SLC14A2: variants seen among roughly 807,000 people sequenced by gnomAD.
The protein encoded by SLC14A2 is urea transporter 2.
Under a neutral mutation model 104.6 loss-of-function variants are expected in SLC14A2, and 91 were observed. That is an observed-to-expected ratio of 0.87 (90% CI 0.73 to 1.04). The LOEUF (loss-of-function observed/expected upper bound fraction) is 1.04. Among genes scored for constraint, SLC14A2 ranks in the 50% least tolerant of loss-of-function variants. The pLI is 0.00. For missense variants in SLC14A2, 1,189 were observed against 1,156.0 expected (o/e 1.03, Z -0.41); for synonymous variants, 476 against 466.4 (o/e 1.02, Z -0.27).
At chr18:45,673,161 C>A (rs975002606) in intron 17 of SLC14A2, 114 bp downstream of exon 17, 2 of 1,044,034 alleles carry the variant, frequency 1.9e-6, no homozygotes, top group Non-Finnish European at 2.8e-6. Context: ...TGAACTTTCC[C>A]TCCTTCTGTT....
chr18:45,681,627 G>C (rs912526038), intron 19 of SLC14A2, among the ~76,000 whole-genome samples: 6 of 152,194 alleles, frequency 3.9e-5, no homozygotes, highest in African/African-American at 1.4e-4. Flanking sequence ...ATAGGACAAT[G>C]ATGACACATC....
chr18:45,432,140 A>G (rs2086526707), intron 1 of SLC14A2, among the ~76,000 whole-genome samples: 1 of 152,176 alleles, frequency 6.6e-6, no homozygotes, highest in Admixed American at 6.5e-5. Flanking sequence ...GCAGCCATTA[A>G]CCTCCTACTA....
At chr18:45,478,223 C>T (rs2087422187) in intron 1 of SLC14A2, among the ~76,000 whole-genome samples, 2 of 152,164 alleles carry the variant, frequency 1.3e-5, no homozygotes, top group Non-Finnish European at 2.9e-5. Context: ...CATGGCTTCC[C>T]TTGAATAGAA....
At chr18:45,523,610 C>T (rs890232802) in intron 2 of SLC14A2, among the ~76,000 whole-genome samples, 1 of 150,750 alleles carries the variant, frequency 6.6e-6, no homozygotes, top group Non-Finnish European at 1.5e-5. Context: ...GCTGGGATTA[C>T]AGGTGTGAGC....
At chr18:45,323,813 A>G (rs1366110573) in intron 1 of SLC14A2, among the ~76,000 whole-genome samples, 2 of 151,996 alleles carry the variant, frequency 1.3e-5, no homozygotes, top group African/African-American at 2.4e-5. Flanking sequence ...CCTGCCTTCC[A>G]CCTCCCAAGA....
At chr18:45,175,496 A>T in the SLC14A2 span, among the ~76,000 whole-genome samples, 14 of 152,126 alleles carry the variant, frequency 9.2e-5, no homozygotes, top group Admixed American at 9.2e-4. Context: ...TTGTGTGTTA[A>T]CTGGGCAGGT....
chr18:45,477,395 C>T (rs1042451854), intron 1 of SLC14A2, among the ~76,000 whole-genome samples: 1 of 152,204 alleles, frequency 6.6e-6, no homozygotes, highest in African/African-American at 2.4e-5. Context: ...CCAGCCGGAG[C>T]TCTCCTGTAT....
chr18:45,309,701 A>G (rs1018223174), intron 1 of SLC14A2, among the ~76,000 whole-genome samples: 1 of 152,148 alleles, frequency 6.6e-6, no homozygotes, highest in African/African-American at 2.4e-5. Context: ...TTTGTTGCTA[A>G]TTTTTAAGTG....
chr18:45,275,465 CTG>C lies in SLC14A2; in HGVS notation c.-125+62276_-125+62277del, dbSNP rs1341351893. Among the ~76,000 whole-genome samples, 3 of 152,322 alleles carry C rather than the reference CTG, an allele frequency of 2.0e-5. No individual in the cohort carries two copies. The South Asian group carries it at 6.2e-4, about 32-fold the overall frequency. On this transcript the variant is annotated intron_variant, in intron 1 of 20. Coordinates refer to the SLC14A2 transcript ENST00000586448. ...CCTCTTTTCCATACACTGCTCCTCT[CTG>C]TCCTGCAACAATGAGATGGTGCAAA...
intron 1 of SLC14A2, among the ~76,000 whole-genome samples, chr18:45,309,727 A>G (rs113552712): frequency 5.9e-5 from 9 of 152,232 alleles, no homozygotes; most frequent in African/African-American, 1.7e-4. Context: ...CCTCAGATAC[A>G]TTACAAGAGT....
At chr18:45,495,236 C>A (rs1023648944) in intron 2 of SLC14A2, among the ~76,000 whole-genome samples, 1 of 152,124 alleles carries the variant, frequency 6.6e-6, no homozygotes, top group Non-Finnish European at 1.5e-5. Flanking sequence ...ACAATAATAA[C>A]AACCACAAAA....
intron 1 of SLC14A2, among the ~76,000 whole-genome samples, chr18:45,245,245 C>G (rs1289674061): frequency 6.6e-6 from 1 of 152,048 alleles, no homozygotes; most frequent in Non-Finnish European, 1.5e-5. Context: ...TTCCTGTAGC[C>G]CTTGAATCAT....
At chr18:45,348,623 T>A (rs944407520) in intron 1 of SLC14A2, among the ~76,000 whole-genome samples, 4 of 152,258 alleles carry the variant, frequency 2.6e-5, no homozygotes, top group African/African-American at 9.6e-5. Flanking sequence ...AACAGATGAA[T>A]GTTGGACTCA....
intron 2 of SLC14A2, among the ~76,000 whole-genome samples, chr18:45,567,678 G>A (rs149934754): frequency 1.5e-3 from 232 of 152,202 alleles, no homozygotes; most frequent in African/African-American, 5.0e-3. Flanking sequence ...CCTGCGTCAA[G>A]CAAGCCGCCC....
At chr18:45,289,973 G>A (rs1219121088) in intron 1 of SLC14A2, among the ~76,000 whole-genome samples, 2 of 152,174 alleles carry the variant, frequency 1.3e-5, no homozygotes, top group East Asian at 1.9e-4. Context: ...AAAATGGACA[G>A]ATTAAATGAG....
intron 1 of SLC14A2, among the ~76,000 whole-genome samples, chr18:45,312,268 T>C (rs2085086403): frequency 6.6e-6 from 1 of 152,116 alleles, no homozygotes; most frequent in Non-Finnish European, 1.5e-5. Flanking sequence ...TTTTTATTGG[T>C]AGGAAAGGTA....
At chr18:45,592,639 G>C (rs1276829143) in intron 2 of SLC14A2, among the ~76,000 whole-genome samples, 1 of 152,194 alleles carries the variant, frequency 6.6e-6, no homozygotes, top group Admixed American at 6.5e-5. Flanking sequence ...GCCTTGCACA[G>C]CCAAAAGGTA....
At chr18:45,652,335 G>A (rs1382123780) in intron 10 of SLC14A2, among the ~76,000 whole-genome samples, 1 of 152,178 alleles carries the variant, frequency 6.6e-6, no homozygotes, top group Non-Finnish European at 1.5e-5. Flanking sequence ...TACCCCAAGT[G>A]GAACTAGAAA....
At position 45,626,940 on chromosome 18, in the gene SLC14A2, GCT is replaced by G; in HGVS notation, c.332-13_332-12del. ...CCCAAGCTGGACCTGCTGATGGCTC[GCT>G]CTCTGTCTCTTTCAGACAAGCACCT... On this transcript the variant is annotated splice_polypyrimidine_tract_variant and intron_variant, in intron 3 of 19. Transcript: ENST00000255226. 6.3e-7 allele frequency: 1 copy of G among 1,599,772 alleles called. No homozygotes were observed. The highest frequency in any genetic ancestry group is 8.5e-7 in the Non-Finnish European group (1 of 1,171,228).
Sources: gnomAD v4.1 joint callset for allele counts (sites outside exome capture counted in the v4.1 genomes callset) on GRCh38, gnomAD v4.1.1 for gene constraint, MANE v1.5 for transcripts, NCBI Gene and HGNC (gene_info 2026-07-23, HGNC 2026-07-21) for gene names.